KRR1: variants seen among roughly 807,000 people sequenced by gnomAD.
The protein encoded by KRR1 is KRR1 small subunit processome component, also known as KRR1 small subunit processome component homolog.
KRR1 carries 23 observed loss-of-function variants against 50.0 expected under a neutral mutation model. That is an observed-to-expected ratio of 0.46 (90% CI 0.33 to 0.65). The LOEUF (loss-of-function observed/expected upper bound fraction) is 0.65. Among genes scored for constraint, KRR1 ranks in the 30% least tolerant of loss-of-function variants. The probability of loss-of-function intolerance (pLI) is 0.02; values close to 1 mark genes in which losing one functional copy is unlikely to be tolerated. For missense variants in KRR1, 419 were observed against 442.4 expected (o/e 0.95, Z 0.47); for synonymous variants, 133 against 146.3 (o/e 0.91, Z 0.66).
At chr12:75,507,408 T>G (rs1196750384) in intron 2 of KRR1, among the ~76,000 whole-genome samples, 2 of 152,184 alleles carry the variant, frequency 1.3e-5, no homozygotes, top group Non-Finnish European at 2.9e-5. Flanking sequence ...TTAGAAAACT[T>G]AAGCATTAAC....
In KRR1 at chr12:75,498,866, G is replaced by T. The variant is rs140872473; in HGVS notation, c.*943C>A. 84 of 1,610,902 alleles carry T rather than the reference G, an allele frequency of 5.2e-5. 1 individual carries two copies. The highest frequency in any genetic ancestry group is 5.2e-5 in the Non-Finnish European group (61 of 1,177,660). On this transcript the variant is annotated 3_prime_UTR_variant, in exon 10 of 10. Coordinates refer to ENST00000229214, the MANE Select transcript of KRR1 (RefSeq NM_007043.7). ...TATCCAGGCTGGCCCATATATCCACGTAACAGATACACTTCTCTCTTTCTC... is the reference window on the plus strand; with the variant it reads ...TATCCAGGCTGGCCCATATATCCACTTAACAGATACACTTCTCTCTTTCTC...
At chr12:75,501,605 T>G in intron 9 of KRR1, 118 bp downstream of exon 9, 4 of 677,900 alleles carry the variant, frequency 5.9e-6, no homozygotes, top group Non-Finnish European at 2.5e-6. Context: ...TAGTAATTAA[T>G]GAAATGCTAA....
Position 75,499,700 on chromosome 12 carries a change from A to C in KRR1, c.*109T>G, listed in dbSNP as rs1241931982. On this transcript the variant is annotated 3_prime_UTR_variant, in exon 10 of 10. Coordinates refer to ENST00000229214, the MANE Select transcript of KRR1 (RefSeq NM_007043.7). The stretch of plus-strand genomic sequence containing the variant: ...CTTCTATGAACAACCACCACCACCA[A>C]AAAAAAAAAAAGCCCTCAGAAAATT... 2.6e-5 allele frequency: 11 copies of C among 418,960 alleles called. No homozygotes were observed. The highest frequency in any genetic ancestry group is 7.2e-6 in the Non-Finnish European group (2 of 277,434). The allele number at this position is 418,960 out of a possible 1,614,324, so 26.0% of individuals were successfully genotyped here. A position where few individuals can be genotyped will look rare whatever the true frequency, so the allele number is the denominator to read the frequency against.
At chr12:75,505,069 T>C (rs2046415932) in intron 6 of KRR1, 129 bp downstream of exon 6, 1 of 975,258 alleles carries the variant, frequency 1.0e-6, no homozygotes, top group Non-Finnish European at 1.5e-6. Flanking sequence ...ACCCCTAATT[T>C]ACCCAAAATA....
At chr12:75,504,741 G>C (rs2046414361) in intron 6 of KRR1, among the ~76,000 whole-genome samples, 1 of 151,808 alleles carries the variant, frequency 6.6e-6, no homozygotes. Flanking sequence ...GTGCACACAG[G>C]GATATAACAG....
chr12:75,497,153 G>A lies in KRR1; in HGVS notation c.*2656C>T, dbSNP rs1008097661. ...TCCAGTTTGACCACTGTGACTTTGG[G>A]CAAGTTTCTGCTTCTATTTTTTTCA... On this transcript the variant is annotated 3_prime_UTR_variant, in exon 10 of 10. Coordinates refer to ENST00000229214, the MANE Select transcript of KRR1 (RefSeq NM_007043.7). 6.6e-6 allele frequency: 1 copy of A among 152,070 alleles called. No individual in the cohort carries two copies. The highest frequency in any genetic ancestry group is 2.4e-5 in the African/African-American group (1 of 41,380). 9.4% of individuals were successfully genotyped at this position (152,070 alleles called of 1,614,324 possible).
At chr12:75,501,658 G>T in intron 9 of KRR1, 65 bp downstream of exon 9, 1 of 1,063,988 alleles carries the variant, frequency 9.4e-7, no homozygotes, top group South Asian at 1.4e-5. Context: ...AAAAGATTCA[G>T]ACAAATTTAT....
Position 75,495,692 on chromosome 12 carries a change from A to G in KRR1, c.*4117T>C, listed in dbSNP as rs758708089. 3.4e-6 allele frequency: 4 copies of G among 1,191,768 alleles called. No homozygotes were observed. The highest frequency in any genetic ancestry group is 4.7e-5 in the East Asian group (2 of 42,706). 73.8% of individuals were successfully genotyped at this position (1,191,768 alleles called of 1,614,324 possible). ...GTAAAAGGAACAATACACCAATAGA[A>G]TAACATAATAGTAACATGTAACTTT... On this transcript the variant is annotated 3_prime_UTR_variant, in exon 10 of 10. Coordinates refer to ENST00000229214, the MANE Select transcript of KRR1 (RefSeq NM_007043.7).
At position 75,503,942 on chromosome 12, in the gene KRR1, C is replaced by G; in HGVS notation, c.793G>C (p.Glu265Gln). Reference protein sequence around the residue: ...KEPKKKTVKKEYTPFPPPQPE... With the variant: ...KEPKKKTVKKQYTPFPPPQPE... ...TGTGGTGGTGGGAATGGCGTATATT[C>G]TTTCTTAACAGTTTTTTTCTTTGGT... Residue 265 changes from glutamate to glutamine, a missense_variant, in exon 7 of 10, where the codon GAA becomes CAA. By Grantham distance (29) the Glu-to-Gln change is conservative (BLOSUM62 2). Coordinates refer to ENST00000229214, the MANE Select transcript of KRR1 (RefSeq NM_007043.7). 1 of 1,611,998 alleles carries G rather than the reference C, an allele frequency of 6.2e-7. No homozygotes were observed. Among genetic ancestry groups the G allele is most frequent in the African/African-American group, 1.3e-5 (1 of 74,894 alleles).
rs372522544 is a variant in KRR1 at position 75,501,923 on chromosome 12, C to G, written c.909G>C (p.Lys303Asn). ...GTGAGCCAGACATAAAGTGCCGTAC[C>G]TTTATTGCTTCCATTTTCTGCCGCT... ...QKKRQKMEAI[K>N]AKQAEAISKR... Residue 303 changes from lysine (K) to asparagine (N), a missense_variant and splice_region_variant, in exon 8 of 10, where the codon AAG becomes AAC. Lys to Asn is a moderately conservative substitution (Grantham distance 94). Transcript: ENST00000229214. 1 of 1,612,228 alleles carries G rather than the reference C, an allele frequency of 6.2e-7. No homozygotes were observed. Among genetic ancestry groups the G allele is most frequent in the Non-Finnish European group, 8.5e-7 (1 of 1,178,860 alleles).
At position 75,501,778 on chromosome 12, in the gene KRR1, T is replaced by C; in HGVS notation, c.948A>G (p.Glu316=). The change falls in exon 9 of 10, where the codon GAA becomes GAG. Residue 316 remains glutamate (E), a synonymous_variant. Coordinates refer to ENST00000229214, the MANE Select transcript of KRR1 (RefSeq NM_007043.7). Reference sequence around the variant, plus strand: ...TAGGTGGAATAAATGCTTTGTTTCTTTCCTCTTGTCTCTTACTGATGGCTT... The same window carrying C: ...TAGGTGGAATAAATGCTTTGTTTCTCTCCTCTTGTCTCTTACTGATGGCTT... ...QAEAISKRQE[E]RNKAFIPPKE... 6.2e-7 allele frequency: 1 copy of C among 1,611,122 alleles called. No individual in the cohort carries two copies. The highest frequency in any genetic ancestry group is 1.1e-5 in the South Asian group (1 of 90,782).
Position 75,498,724 on chromosome 12 carries a change from C to A in KRR1, c.*1085G>T, listed in dbSNP as rs201786239. On this transcript the variant is annotated 3_prime_UTR_variant, in exon 10 of 10. Coordinates refer to ENST00000229214, the MANE Select transcript of KRR1 (RefSeq NM_007043.7). ...CGACAGCGAGACCAAGTCAAACGTA[C>A]GTACATCAATCTTAAATTGTTTCAT... is the stretch of plus-strand genomic sequence containing the variant. The A allele has an allele frequency of 1.6e-5, 25 of 1,611,906 alleles. No homozygotes were observed. The highest frequency in any genetic ancestry group is 1.9e-5 in the Non-Finnish European group (22 of 1,178,426).
intron 7 of KRR1, chr12:75,503,412 AAG>A (rs1242773451): frequency 6.6e-6 from 1 of 152,192 alleles, no homozygotes; most frequent in East Asian, 1.9e-4. Context: ...CAGAAGTAAA[AAG>A]GGGCATGAAT....
In KRR1 at chr12:75,498,956, C is replaced by CTAAT; in HGVS notation, c.*849_*852dup. ...ACCATTTTGGTACAGCACAAGTACC[C>CTAAT]TAATTTAGTTCTTTTGGACTAATAC... is the stretch of plus-strand genomic sequence containing the variant. On this transcript the variant is annotated 3_prime_UTR_variant, in exon 10 of 10. Transcript: ENST00000229214. 3.1e-6 allele frequency: 5 copies of CTAAT among 1,598,992 alleles called. No individual in the cohort carries two copies. The highest frequency in any genetic ancestry group is 4.3e-6 in the Non-Finnish European group (5 of 1,173,864).
chr12:75,505,382 C>A (rs2046417282), intron 5 of KRR1, 128 bp from the exon 6 acceptor site: 1 of 872,340 alleles, frequency 1.1e-6, no homozygotes, highest in African/African-American at 1.7e-5. Context: ...TTAAGTAGTT[C>A]CTTCAACTGC....
intron 1 of KRR1, among the ~76,000 whole-genome samples, 169 bp downstream of exon 1, chr12:75,511,344 C>T (rs970710861): frequency 3.3e-5 from 5 of 152,202 alleles, no homozygotes; most frequent in Admixed American, 3.3e-4. Context: ...GGCACCATAT[C>T]GGCCAGCCGT....
Position 75,496,753 on chromosome 12 carries a change from T to C in KRR1, c.*3056A>G, listed in dbSNP as rs1207888085. ...ACGAAATTTAGTTTGGAAAAAAGTG[T>C]TCCATTGCTCATGTTTTATAAGGTC... On this transcript the variant is annotated 3_prime_UTR_variant, in exon 10 of 10. Coordinates refer to ENST00000229214, the MANE Select transcript of KRR1 (RefSeq NM_007043.7). 1 of 152,190 alleles carries C rather than the reference T, an allele frequency of 6.6e-6. No homozygotes were observed. Among genetic ancestry groups the C allele is most frequent in the East Asian group, 1.9e-4 (1 of 5,182 alleles). The allele number at this position is 152,190 out of a possible 1,614,324, so 9.4% of individuals were successfully genotyped here.
Position 75,492,943 on chromosome 12 carries a change from T to C in KRR1, c.*6866A>G, listed in dbSNP as rs1317999254. 6.6e-6 allele frequency: 1 copy of C among 152,226 alleles called. No homozygotes were observed. The highest frequency in any genetic ancestry group is 1.5e-5 in the Non-Finnish European group (1 of 68,046). 9.4% of individuals were successfully genotyped at this position (152,226 alleles called of 1,614,324 possible). On this transcript the variant is annotated 3_prime_UTR_variant, in exon 10 of 10. Transcript: ENST00000229214. ...AATCAGGGAAGGGCTTCTTGTGTTA[T>C]ATTTAAGCTTAGGCATGAAGAATGA...
Position 75,511,502 on chromosome 12 carries a change from C to T in KRR1, c.85+11G>A, listed in dbSNP as rs1438899711. ...CACAAACCCCAGGCTTCGGTTCCCACATAACATCACCTTGGTTCTCCGGCT... is the reference window on the plus strand; with the variant it reads ...CACAAACCCCAGGCTTCGGTTCCCATATAACATCACCTTGGTTCTCCGGCT... On this transcript the variant is annotated intron_variant, in intron 1 of 9. Coordinates refer to ENST00000229214, the MANE Select transcript of KRR1 (RefSeq NM_007043.7). The T allele has an allele frequency of 1.2e-6, 2 of 1,608,888 alleles. No homozygotes were observed. Among genetic ancestry groups the T allele is most frequent in the Non-Finnish European group, 1.7e-6 (2 of 1,178,884 alleles).
Sources: allele counts gnomAD v4.1 joint callset (sites outside exome capture counted in the v4.1 genomes callset), GRCh38; gene constraint gnomAD v4.1.1; transcripts MANE v1.5; gene names NCBI Gene and HGNC (gene_info 2026-07-23, HGNC 2026-07-21).